Variants in RNF10 observed in about 807,000 individuals in gnomAD.
RNF10 encodes the protein ring finger protein 10, also known as E3 ubiquitin-protein ligase RNF10.
Under a neutral mutation model 91.4 loss-of-function variants are expected in RNF10, and 38 were observed. The ratio of observed to expected loss-of-function variants is 0.42; its 90% confidence interval spans 0.32 to 0.54. RNF10 has a LOEUF of 0.54. RNF10 is among the 20% of genes least tolerant of loss of function. The pLI, the probability that RNF10 is intolerant of heterozygous loss-of-function variation, is 0.16. For missense variants in RNF10, 945 were observed against 1,012.0 expected (o/e 0.93, Z 0.90); for synonymous variants, 364 against 366.3 (o/e 0.99, Z 0.07).
Position 120,571,205 on chromosome 12 carries a change from C to T in RNF10, c.2056C>T (p.Pro686Ser), listed in dbSNP as rs1474085586. 2 of 1,613,650 alleles carry T rather than the reference C, an allele frequency of 1.2e-6. No homozygotes were observed. Among genetic ancestry groups the T allele is most frequent in the Non-Finnish European group, 1.7e-6 (2 of 1,179,710 alleles). The change falls in exon 14 of 17, where the codon CCT (proline) becomes TCT (serine). Residue 686 changes from proline to serine, a missense_variant. Transcript: ENST00000325954. ...PGSHADFLLTPLSPTASQGSP... is the reference protein window; with the variant it reads ...PGSHADFLLTSLSPTASQGSP... ...TTCCCTTTCAGACTTTCTGCTGACC[C>T]CTCTGTCACCCACTGCCAGTCAGGG... is the stretch of plus-strand genomic sequence containing the variant.
At chr12:120,537,517 A>G (rs1230516875) in intron 1 of RNF10, among the ~76,000 whole-genome samples, 1 of 151,530 alleles carries the variant, frequency 6.6e-6, no homozygotes, top group Non-Finnish European at 1.5e-5. Flanking sequence ...AATCCCAGCT[A>G]CTCGGGGGGC....
At chr12:120,550,371 C>G (rs186910939) in intron 2 of RNF10, among the ~76,000 whole-genome samples, 1 of 151,944 alleles carries the variant, frequency 6.6e-6, no homozygotes, top group African/African-American at 2.4e-5. Context: ...TGACAGTGGG[C>G]CAGCTAGGAC....
Position 120,566,863 on chromosome 12 carries a change from T to G in RNF10, c.1924T>G (p.Phe642Val). 1 of 1,613,992 alleles carries G rather than the reference T, an allele frequency of 6.2e-7. No homozygotes were observed. The highest frequency in any genetic ancestry group is 8.5e-7 in the Non-Finnish European group (1 of 1,179,936). Reference protein sequence around the residue: ...VHIPLENLQQFPAFNSYTCSS... With the variant: ...VHIPLENLQQVPAFNSYTCSS... ...CATTCCCCTCGAGAATCTACAGCAG[T>G]TTCCTGCCTTCAATTCTTATACCTG... The change falls in exon 13 of 17, where the codon TTT becomes GTT. Residue 642 changes from phenylalanine (F) to valine (V), a missense_variant. Physicochemically the swap from Phe to Val is conservative, Grantham distance 50. Coordinates refer to ENST00000325954, the MANE Select transcript of RNF10 (RefSeq NM_014868.5).
rs527920471 is a variant in RNF10, at chr12:120,534,378, T to C, written c.-434T>C. The C allele has an allele frequency of 2.4e-5, 4 of 167,132 alleles. 1 individual carries two copies. In the Admixed American group the frequency reaches 2.6e-4, roughly 11 times the overall value. The allele number at this position is 167,132 out of a possible 1,614,324, so 10.4% of individuals were successfully genotyped here. On this transcript the variant is annotated 5_prime_UTR_variant, in exon 1 of 17. Coordinates refer to ENST00000325954, the MANE Select transcript of RNF10 (RefSeq NM_014868.5). ...GATGCTGTTTGGCGACTCGTCGCCATTCCCGGAGCAGGTCGGCCTCGGCCC... is the reference window on the plus strand; with the variant it reads ...GATGCTGTTTGGCGACTCGTCGCCACTCCCGGAGCAGGTCGGCCTCGGCCC...
intron 7 of RNF10, 47 bp from the exon 8 acceptor site, chr12:120,562,898 G>A (rs1702101431): frequency 6.2e-7 from 1 of 1,611,880 alleles, no homozygotes; most frequent in African/African-American, 1.3e-5. Flanking sequence ...AGCTAAGTGT[G>A]TGTCTGGAAA....
intron 1 of RNF10, among the ~76,000 whole-genome samples, chr12:120,545,973 C>A (rs1335601421): frequency 1.3e-5 from 2 of 152,198 alleles, no homozygotes; most frequent in Non-Finnish European, 2.9e-5. Flanking sequence ...CTAGGACAAC[C>A]CCTTGTAGTA....
chr12:120,558,579 T>A (rs12304739), intron 6 of RNF10, among the ~76,000 whole-genome samples: 8,420 of 126,536 alleles, frequency 0.067, 327 homozygotes, highest in African/African-American at 0.11. Flanking sequence ...ATATATATAT[T>A]TTTTTTTGAG....
chr12:120,539,277 C>T, intron 1 of RNF10: 1 of 594,626 alleles, frequency 1.7e-6, no homozygotes, highest in South Asian at 1.5e-5. Context: ...CGGTATTTTT[C>T]AATAAGCTTT....
Position 120,576,914 on chromosome 12 carries a change from C to A in RNF10, c.*248C>A, listed in dbSNP as rs148849373. The A allele has an allele frequency of 4.8e-5, 22 of 454,294 alleles. No individual in the cohort carries two copies. The East Asian group carries it at 9.2e-4, about 19-fold the overall frequency. The allele number at this position is 454,294 out of a possible 1,614,324, so 28.1% of individuals were successfully genotyped here. A position where few individuals can be genotyped will look rare whatever the true frequency, so the allele number is the denominator to read the frequency against. On this transcript the variant is annotated 3_prime_UTR_variant, in exon 17 of 17. Coordinates refer to ENST00000325954, the MANE Select transcript of RNF10 (RefSeq NM_014868.5). ...TCTCTTCCTGCCAAGGTTTTTAGTT[C>A]ATTGCCAGTTTAGTCTTTTTGACCC...
At chr12:120,566,795 G>GGGTT in intron 12 of RNF10, 30 bp from the exon 13 acceptor site, 1 of 1,567,246 alleles carries the variant, frequency 6.4e-7, no homozygotes, top group South Asian at 1.2e-5. Flanking sequence ...TTCTGTAAAT[G>GGGTT]GGTTTACAAG....
At position 120,566,974 on chromosome 12, in the gene RNF10, C is replaced by T; in HGVS notation, c.2035C>T (p.His679Tyr). Residue 679 changes from histidine (H) to tyrosine (Y), a missense_variant, in exon 13 of 17, where the codon CAT becomes TAT. Coordinates refer to ENST00000325954, the MANE Select transcript of RNF10 (RefSeq NM_014868.5). ...TCCTCTCAGCAGAAGTCCAGGTTCCCATGCAGGTAAACAGGTGAAATTTAA... is the reference window on the plus strand; with the variant it reads ...TCCTCTCAGCAGAAGTCCAGGTTCCTATGCAGGTAAACAGGTGAAATTTAA... ...ISPLSRSPGS[H>Y]ADFLLTPLSP... 6.2e-7 allele frequency: 1 copy of T among 1,600,952 alleles called. No individual in the cohort carries two copies. The highest frequency in any genetic ancestry group is 1.1e-5 in the South Asian group (1 of 88,444).
chr12:120,567,038 G>C, intron 13 of RNF10, 58 bp downstream of exon 13: 2 of 1,545,632 alleles, frequency 1.3e-6, no homozygotes, highest in Admixed American at 4.2e-5. Context: ...CAAAGCTTTG[G>C]TGTCTGAGTT....
intron 1 of RNF10, among the ~76,000 whole-genome samples, chr12:120,546,013 A>G (rs1292870544): frequency 4.6e-5 from 7 of 152,376 alleles, no homozygotes; most frequent in African/African-American, 1.7e-4. Flanking sequence ...AGTAATTTAA[A>G]AAGGAATCTC....
At chr12:120,567,073 G>A (rs1306276585) in intron 13 of RNF10, 93 bp downstream of exon 13, 2 of 1,267,506 alleles carry the variant, frequency 1.6e-6, no homozygotes, top group Non-Finnish European at 2.2e-6. Context: ...ACTCAGCATG[G>A]TGTGGACTTC....
intron 10 of RNF10, 48 bp from the exon 11 acceptor site, chr12:120,565,024 C>T: frequency 7.6e-7 from 1 of 1,317,800 alleles, no homozygotes; most frequent in Non-Finnish European, 1.1e-6. Flanking sequence ...CCCCTGCTTT[C>T]AGAGTTAGGC....
intron 6 of RNF10, 140 bp from the exon 7 acceptor site, chr12:120,560,586 T>G (rs1285461873): frequency 2.6e-6 from 2 of 755,406 alleles, no homozygotes; most frequent in Non-Finnish European, 4.2e-6. Context: ...AAGACCATTG[T>G]TAAATTATTT....
Position 120,566,726 on chromosome 12 carries a change from C to A in RNF10, c.1886-99C>A, listed in dbSNP as rs963218479. 10 of 1,125,708 alleles carry A rather than the reference C, an allele frequency of 8.9e-6. No individual in the cohort carries two copies. In the Admixed American group the frequency reaches 1.1e-4, roughly 12 times the overall value. The allele number at this position is 1,125,708 out of a possible 1,614,324, so 69.7% of individuals were successfully genotyped here. ...GCAGTGAACAGAGATCGTACCACTA[C>A]ACTCCAGCCTGGGTGACAGAGTGAG... On this transcript the variant is annotated intron_variant, in intron 12 of 16. Coordinates refer to ENST00000325954, the MANE Select transcript of RNF10 (RefSeq NM_014868.5).
chr12:120,548,915 C>G (rs1823612133), intron 2 of RNF10, among the ~76,000 whole-genome samples: 1 of 152,046 alleles, frequency 6.6e-6, no homozygotes, highest in South Asian at 2.1e-4. Flanking sequence ...TGTGATCCGC[C>G]CGCTTCGGCC....
intron 1 of RNF10, among the ~76,000 whole-genome samples, 180 bp from the exon 2 acceptor site, chr12:120,546,225 G>GA (rs557911235): frequency 4.6e-5 from 7 of 151,248 alleles, no homozygotes; most frequent in African/African-American, 7.4e-5. Flanking sequence ...ATTATTGCAA[G>GA]AAAAAAACAC....
Sources: allele counts gnomAD v4.1 joint callset (sites outside exome capture counted in the v4.1 genomes callset), GRCh38; gene constraint gnomAD v4.1.1; transcripts MANE v1.5; gene names NCBI Gene and HGNC (gene_info 2026-07-23, HGNC 2026-07-21).